TBC1D22A: variants seen among roughly 807,000 people sequenced by gnomAD.
The protein encoded by TBC1D22A is TBC1 domain family member 22A.
Under a neutral mutation model 60.2 loss-of-function variants are expected in TBC1D22A, and 38 were observed. The observed-to-expected ratio is 0.63, with a 90% CI of 0.49 to 0.83. The LOEUF (loss-of-function observed/expected upper bound fraction) is 0.83, where lower values mean the gene tolerates loss of function less well. Among genes scored for constraint, TBC1D22A ranks in the 40% least tolerant of loss-of-function variants. The probability of loss-of-function intolerance (pLI) is 0.00; values close to 1 mark genes in which losing one functional copy is unlikely to be tolerated. For synonymous variants in TBC1D22A, 302 were observed against 281.7 expected, an observed-to-expected ratio of 1.07 and a Z score of -0.72; for missense variants, 628 against 701.0, an observed-to-expected ratio of 0.90 and a Z score of 1.18.
At chr22:46,994,369 CT>C (rs11321541) in intron 9 of TBC1D22A, among the ~76,000 whole-genome samples, 63,539 of 152,056 alleles carry the variant, frequency 0.42, 14,827 homozygotes, top group African/African-American at 0.64. Flanking sequence ...TGTGGAGCCT[CT>C]TGAGAAGTGC....
intron 11 of TBC1D22A, among the ~76,000 whole-genome samples, chr22:47,066,240 C>T (rs2063769178): frequency 6.6e-6 from 1 of 152,196 alleles, no homozygotes; most frequent in South Asian, 2.1e-4. Context: ...TCTTAAAATT[C>T]ACACAAACAA....
At position 46,889,547 on chromosome 22, in the gene TBC1D22A, C is replaced by G. The variant is rs12167971; in HGVS notation, c.709-1719C>G. 6.8e-3 allele frequency among the ~76,000 whole-genome samples: 1,043 copies of G among 152,270 alleles called. 20 individuals carry two copies. The highest frequency in any genetic ancestry group is 0.024 in the African/African-American group (994 of 41,538). ...CATGAAAACCCAAAGCGTATGCCCACGAAAATCCTGTGCAGGAATATAACA... is the reference window on the plus strand; with the variant it reads ...CATGAAAACCCAAAGCGTATGCCCAGGAAAATCCTGTGCAGGAATATAACA... On this transcript the variant is annotated intron_variant, in intron 5 of 12. Coordinates refer to ENST00000337137, the MANE Select transcript of TBC1D22A (RefSeq NM_014346.5).
rs2062118526 is a variant in TBC1D22A at position 47,022,334 on chromosome 22, G to GAGGA, written c.1202-14735_1202-14732dup. Among the ~76,000 whole-genome samples the GAGGA allele has an allele frequency of 7.9e-5, 12 of 152,304 alleles. No homozygotes were observed. In the South Asian group the frequency reaches 2.5e-3, roughly 32 times the overall value. On this transcript the variant is annotated intron_variant, in intron 10 of 12. Transcript: ENST00000337137. ...AGGCAGCCGGGCCATCCCTGGGAGG[G>GAGGA]AGGAAAAGTACAGGGTGAGCTCCAT...
At chr22:46,918,823 T>C (rs1295511830) in intron 8 of TBC1D22A, among the ~76,000 whole-genome samples, 1 of 152,158 alleles carries the variant, frequency 6.6e-6, no homozygotes. Flanking sequence ...AACTTTATTT[T>C]AAATAATTTT....
At chr22:46,968,951 A>G (rs772996804) in intron 8 of TBC1D22A, among the ~76,000 whole-genome samples, 1 of 152,124 alleles carries the variant, frequency 6.6e-6, no homozygotes, top group South Asian at 2.1e-4. Flanking sequence ...CCACTCGTCC[A>G]TCTCTCCATC....
rs188355621 is a variant in TBC1D22A at position 46,826,082 on chromosome 22, C to T, written c.637+28462C>T. Among the ~76,000 whole-genome samples, 1,410 of 152,128 alleles carry T rather than the reference C, an allele frequency of 9.3e-3. 13 individuals are homozygous for T. Among genetic ancestry groups the T allele is most frequent in the Non-Finnish European group, 0.015 (1,018 of 68,000 alleles). ...TATTTTTAGTGAGATGGGGTTTCAC[C>T]GTGTTAGCCATGATGGTCTCGATCT... On this transcript the variant is annotated intron_variant, in intron 4 of 12. Coordinates refer to ENST00000337137, the MANE Select transcript of TBC1D22A (RefSeq NM_014346.5).
At chr22:46,835,414 C>G (rs1417909415) in intron 4 of TBC1D22A, among the ~76,000 whole-genome samples, 1 of 151,866 alleles carries the variant, frequency 6.6e-6, no homozygotes, top group Non-Finnish European at 1.5e-5. Flanking sequence ...AAAAAAGAAC[C>G]AAACAAATTC....
intron 4 of TBC1D22A, among the ~76,000 whole-genome samples, chr22:46,851,084 G>A (rs2087253522): frequency 6.6e-6 from 1 of 152,130 alleles, no homozygotes; most frequent in Non-Finnish European, 1.5e-5. Context: ...GGGTCGCACA[G>A]GTCTGCATAT....
intron 11 of TBC1D22A, among the ~76,000 whole-genome samples, chr22:47,088,098 T>TAATAAA (rs113636509): frequency 2.6e-5 from 4 of 150,956 alleles, no homozygotes; most frequent in African/African-American, 2.4e-5. Context: ...ATAATAATAA[T>TAATAAA]AAATTTAAAA....
intron 8 of TBC1D22A, among the ~76,000 whole-genome samples, chr22:46,938,838 A>C (rs541990941): frequency 5.9e-5 from 9 of 152,100 alleles, no homozygotes; most frequent in Admixed American, 1.3e-4. Context: ...CCCCTGCCTC[A>C]GCCTCCCAAA....
chr22:47,002,023 C>T (rs2061423833), intron 10 of TBC1D22A, among the ~76,000 whole-genome samples: 1 of 152,136 alleles, frequency 6.6e-6, no homozygotes, highest in African/African-American at 2.4e-5. Flanking sequence ...AATGTGTTCT[C>T]AATATTTCTA....
intron 11 of TBC1D22A, among the ~76,000 whole-genome samples, chr22:47,092,649 G>T (rs1397676433): frequency 6.6e-6 from 1 of 152,194 alleles, no homozygotes; most frequent in Non-Finnish European, 1.5e-5. Context: ...GTCATTGCAG[G>T]GCTGGGGACA....
At chr22:47,101,312 G>A (rs2180149) in intron 11 of TBC1D22A, among the ~76,000 whole-genome samples, 68,657 of 152,074 alleles carry the variant, frequency 0.45, 17,194 homozygotes, top group African/African-American at 0.69. Flanking sequence ...GTGTCCCCCT[G>A]CCCCCCAAAC....
chr22:47,136,916 C>T (rs999182235), intron 12 of TBC1D22A, among the ~76,000 whole-genome samples: 6 of 152,306 alleles, frequency 3.9e-5, no homozygotes, highest in East Asian at 1.9e-4. Flanking sequence ...TCCCATCTCA[C>T]GGTAGGTCTC....
At chr22:46,863,604 G>A (rs566612961) in intron 4 of TBC1D22A, among the ~76,000 whole-genome samples, 24 of 152,252 alleles carry the variant, frequency 1.6e-4, no homozygotes, top group African/African-American at 5.5e-4. Context: ...CTTGGTCATC[G>A]TGCTTATCCC....
intron 4 of TBC1D22A, among the ~76,000 whole-genome samples, chr22:46,815,195 T>C (rs2085542083): frequency 6.6e-6 from 1 of 152,252 alleles, no homozygotes; most frequent in Non-Finnish European, 1.5e-5. Context: ...GACATAACTC[T>C]TGAACACTTC....
chr22:46,957,245 G>A (rs9615429), intron 8 of TBC1D22A, among the ~76,000 whole-genome samples: 8,771 of 152,334 alleles, frequency 0.058, 379 homozygotes, highest in Non-Finnish European at 0.09. Flanking sequence ...AGGGAGGTTT[G>A]AGTAGTGCTG....
At chr22:47,084,090 G>A (rs193000183) in intron 11 of TBC1D22A, among the ~76,000 whole-genome samples, 4 of 152,320 alleles carry the variant, frequency 2.6e-5, no homozygotes, top group East Asian at 1.9e-4. Flanking sequence ...CATTCTCTAC[G>A]ATCCAGGTAT....
intron 10 of TBC1D22A, among the ~76,000 whole-genome samples, chr22:47,005,010 C>G (rs1308025506): frequency 6.6e-6 from 1 of 151,840 alleles, no homozygotes; most frequent in Non-Finnish European, 1.5e-5. Flanking sequence ...TTTATACACA[C>G]ACATCCCTAT....
Sources: allele counts gnomAD v4.1 joint callset (sites outside exome capture counted in the v4.1 genomes callset), GRCh38; gene constraint gnomAD v4.1.1; transcripts MANE v1.5; gene names NCBI Gene and HGNC (gene_info 2026-07-23, HGNC 2026-07-21).